RANBP2: variants seen among roughly 807,000 people sequenced by gnomAD.
RANBP2 encodes the protein RAN binding protein 2, also known as E3 SUMO-protein ligase RanBP2.
In RANBP2, 57 loss-of-function variants were observed where a neutral mutation model predicts 303.6. The ratio of observed to expected loss-of-function variants is 0.19; its 90% confidence interval spans 0.15 to 0.23. RANBP2 has a LOEUF of 0.23. Ranked by LOEUF, RANBP2 falls within the 10% of genes least tolerant of loss-of-function variation. The probability of loss-of-function intolerance (pLI) is 1.00; values close to 1 mark genes in which losing one functional copy is unlikely to be tolerated. For synonymous variants in RANBP2, 1,167 were observed against 1,301.5 expected (o/e 0.90, Z 2.23); for missense variants, 3,138 against 3,780.8 (o/e 0.83, Z 4.46).
At chr2:108,729,833 C>G (rs1304167778) in intron 2 of RANBP2, among the ~76,000 whole-genome samples, 1 of 151,944 alleles carries the variant, frequency 6.6e-6, no homozygotes, top group Non-Finnish European at 1.5e-5. Flanking sequence ...GATCTTCCCA[C>G]CTCAGCGCCC....
At chr2:109,110,233 A>T in the RANBP2 span, among the ~76,000 whole-genome samples, 1 of 152,190 alleles carries the variant, frequency 6.6e-6, no homozygotes, top group Non-Finnish European at 1.5e-5. Flanking sequence ...TTTAGTAAAT[A>T]GGAGGCATTG....
At chr2:109,372,624 G>A in the RANBP2 span, among the ~76,000 whole-genome samples, 6 of 152,224 alleles carry the variant, frequency 3.9e-5, no homozygotes, top group Non-Finnish European at 8.8e-5. Context: ...GCATTCTCAA[G>A]GTCCCACAGC....
the RANBP2 span, among the ~76,000 whole-genome samples, chr2:109,170,235 TTCTTTTCTTTTCTC>T: frequency 1.2e-3 from 45 of 37,884 alleles, no homozygotes; most frequent in African/African-American, 4.3e-3. Flanking sequence ...TTCTCTTCTC[TTCTTTTCTTTTCTC>T]TTCTCTTCTC....
At chr2:109,532,881 C>T in the RANBP2 span, among the ~76,000 whole-genome samples, 13 of 152,310 alleles carry the variant, frequency 8.5e-5, no homozygotes, top group East Asian at 1.9e-4. Context: ...TCACCATCTT[C>T]GGCCCCAGCT....
At chr2:108,912,016 C>T in the RANBP2 span, among the ~76,000 whole-genome samples, 2 of 152,256 alleles carry the variant, frequency 1.3e-5, no homozygotes, top group Non-Finnish European at 2.9e-5. Flanking sequence ...CATATATCCT[C>T]GCCCAGCAGT....
chr2:108,872,263 G>A, the RANBP2 span, among the ~76,000 whole-genome samples: 7 of 151,768 alleles, frequency 4.6e-5, no homozygotes, highest in East Asian at 5.8e-4. Flanking sequence ...TGCCATTGGT[G>A]CCCAAAATTT....
At chr2:108,831,427 T>A in the RANBP2 span, among the ~76,000 whole-genome samples, 19 of 152,192 alleles carry the variant, frequency 1.2e-4, no homozygotes, top group African/African-American at 4.3e-4. Flanking sequence ...AGTACTTTTT[T>A]ATTATGTTTG....
chr2:109,485,874 G>A, the RANBP2 span, among the ~76,000 whole-genome samples: 1 of 152,232 alleles, frequency 6.6e-6, no homozygotes, highest in Non-Finnish European at 1.5e-5. Context: ...CTCATCGCAA[G>A]CCTCCAGTCC....
the RANBP2 span, among the ~76,000 whole-genome samples, chr2:109,256,243 G>GGACA: frequency 7.9e-5 from 12 of 152,188 alleles, no homozygotes; most frequent in Non-Finnish European, 1.2e-4. Context: ...AGCCTGCCAT[G>GGACA]GACAGGTCGC....
chr2:109,174,151 G>A, the RANBP2 span, among the ~76,000 whole-genome samples: 652 of 152,366 alleles, frequency 4.3e-3, 4 homozygotes, highest in Non-Finnish European at 7.1e-3. Context: ...CTCCCAACCA[G>A]AGGCTCCAGG....
the RANBP2 span, among the ~76,000 whole-genome samples, chr2:109,733,701 G>GA: frequency 6.6e-6 from 1 of 151,500 alleles, no homozygotes. Flanking sequence ...AAAAATACAC[G>GA]AAAAAACAAA....
the RANBP2 span, among the ~76,000 whole-genome samples, chr2:108,938,489 C>T: frequency 2.0e-5 from 3 of 152,216 alleles, no homozygotes; most frequent in Non-Finnish European, 2.9e-5. Flanking sequence ...GGATTGCTCA[C>T]GAAAATAACG....
the RANBP2 span, among the ~76,000 whole-genome samples, chr2:109,256,967 A>G: frequency 1.3e-5 from 2 of 152,122 alleles, no homozygotes; most frequent in South Asian, 4.1e-4. Context: ...TTCATGCTGG[A>G]GGGAGTTATT....
chr2:108,932,955 C>T, the RANBP2 span, among the ~76,000 whole-genome samples: 2 of 152,146 alleles, frequency 1.3e-5, no homozygotes, highest in Non-Finnish European at 2.9e-5. Context: ...TCCTGCCTCC[C>T]GAGTACAACA....
chr2:109,344,990 G>T, the RANBP2 span, among the ~76,000 whole-genome samples: 6 of 152,176 alleles, frequency 3.9e-5, no homozygotes, highest in Admixed American at 6.5e-5. Flanking sequence ...CAGTGAAGGG[G>T]GGTGTCAGGG....
chr2:108,741,914 G>A (rs1696134336), intron 7 of RANBP2, among the ~76,000 whole-genome samples: 1 of 149,520 alleles, frequency 6.7e-6, no homozygotes, highest in East Asian at 2.0e-4. Flanking sequence ...AAAAATGATT[G>A]TTAATTTTAG....
At chr2:109,012,839 G>A in the RANBP2 span, among the ~76,000 whole-genome samples, 1 of 152,256 alleles carries the variant, frequency 6.6e-6, no homozygotes, top group East Asian at 1.9e-4. Context: ...GCGTGGACCT[G>A]GGAGGCGGAG....
the RANBP2 span, among the ~76,000 whole-genome samples, chr2:109,316,133 G>A: frequency 6.6e-6 from 1 of 152,188 alleles, no homozygotes; most frequent in African/African-American, 2.4e-5. Flanking sequence ...AAAAGAGAGG[G>A]CAAGGCAGGC....
At chr2:108,922,170 C>T in the RANBP2 span, among the ~76,000 whole-genome samples, 1 of 152,252 alleles carries the variant, frequency 6.6e-6, no homozygotes, top group Non-Finnish European at 1.5e-5. Context: ...AGGAGGACTG[C>T]TCCTCTCCCA....
Sources: gnomAD v4.1 joint callset for allele counts (sites outside exome capture counted in the v4.1 genomes callset) on GRCh38, gnomAD v4.1.1 for gene constraint, MANE v1.5 for transcripts, NCBI Gene and HGNC (gene_info 2026-07-23, HGNC 2026-07-21) for gene names.